Variants in GLCE observed in about 807,000 individuals in gnomAD.
GLCE encodes glucuronic acid epimerase, also known as D-glucuronyl C5-epimerase.
A neutral mutation model predicts 47.9 loss-of-function variants in GLCE; 19 were observed. The observed-to-expected ratio is 0.40, with a 90% CI of 0.28 to 0.58. The LOEUF is 0.58. Among genes scored for constraint, GLCE ranks in the 20% least tolerant of loss-of-function variants. GLCE has a pLI of 0.48. For missense variants in GLCE, 556 were observed against 743.3 expected (o/e 0.75, Z 2.93); for synonymous variants, 245 against 263.4 (o/e 0.93, Z 0.68).
intron 1 of GLCE, among the ~76,000 whole-genome samples, chr15:69,185,912 G>T (rs2051816164): frequency 6.6e-6 from 1 of 152,114 alleles, no homozygotes; most frequent in Non-Finnish European, 1.5e-5. Flanking sequence ...TTCAAGTTGG[G>T]TTCCTCTTTG....
intron 2 of GLCE, among the ~76,000 whole-genome samples, chr15:69,226,060 ACACACACACACACAGACACACACACAC>A (rs1301880643): frequency 8.9e-5 from 3 of 33,622 alleles, no homozygotes; most frequent in Non-Finnish European, 3.3e-4. Context: ...ACACACACAC[ACACACACACACACAGACACACACACAC>A]CTATTTTAAT....
In GLCE at chr15:69,270,581, T is replaced by G. The variant is rs575199763; in HGVS notation, c.*1337T>G. 1.3e-5 allele frequency: 2 copies of G among 152,212 alleles called. No homozygotes were observed. Among genetic ancestry groups the G allele is most frequent in the Non-Finnish European group, 2.9e-5 (2 of 68,046 alleles). 9.4% of individuals were successfully genotyped at this position (152,212 alleles called of 1,614,324 possible). On this transcript the variant is annotated 3_prime_UTR_variant, in exon 5 of 5. Transcript: ENST00000261858. Reference sequence around the variant, plus strand: ...TTTGAAAATATGATACCCTACACTTTCAGGGGACCGAGTCTGACAAACACA... The same window carrying G: ...TTTGAAAATATGATACCCTACACTTGCAGGGGACCGAGTCTGACAAACACA...
intron 1 of GLCE, among the ~76,000 whole-genome samples, chr15:69,199,012 T>G (rs2052037458): frequency 6.6e-6 from 1 of 152,114 alleles, no homozygotes. Flanking sequence ...GCTTAACTTG[T>G]TGAATGAATT....
chr15:69,180,835 G>C (rs2051739481), intron 1 of GLCE, among the ~76,000 whole-genome samples: 1 of 152,172 alleles, frequency 6.6e-6, no homozygotes, highest in Non-Finnish European at 1.5e-5. Context: ...TGGATGAGTT[G>C]GAACAGAATA....
chr15:69,244,142 A>G (rs2052715523), intron 2 of GLCE, among the ~76,000 whole-genome samples: 1 of 152,182 alleles, frequency 6.6e-6, no homozygotes, highest in African/African-American at 2.4e-5. Flanking sequence ...ATTATAATGC[A>G]TTTGTAAGCT....
intron 3 of GLCE, chr15:69,260,695 A>G (rs1292469826): frequency 5.9e-6 from 1 of 168,792 alleles, no homozygotes; most frequent in South Asian, 1.7e-4. Flanking sequence ...AAATTTCAGG[A>G]TTAATATTGA....
intron 1 of GLCE, among the ~76,000 whole-genome samples, chr15:69,202,003 T>G (rs2052082056): frequency 6.6e-6 from 1 of 152,042 alleles, no homozygotes; most frequent in South Asian, 2.1e-4. Flanking sequence ...CACTGTAGCC[T>G]TGACCTCCTC....
In GLCE at chr15:69,256,082, T is replaced by G; in HGVS notation, c.276T>G (p.Asn92Lys). 4 of 1,614,060 alleles carry G rather than the reference T, an allele frequency of 2.5e-6. No homozygotes were observed. Among genetic ancestry groups the G allele is most frequent in the Non-Finnish European group, 1.7e-6 (2 of 1,179,984 alleles). Reference sequence around the variant, plus strand: ...CACCCCCTGTTGTTGGGGGCTTCAATAGCAATGTGGGAAGTAAGGTGTTAG... The same window carrying G: ...CACCCCCTGTTGTTGGGGGCTTCAAGAGCAATGTGGGAAGTAAGGTGTTAG... ...QKAPPVVGGF[N>K]SNVGSKVLGL... Residue 92 changes from asparagine to lysine, a missense_variant, in exon 3 of 5, where the codon AAT becomes AAG. This residue lies in a region of GLCE where 237 missense variants were observed against 310.9 expected (regional missense o/e 0.76). Coordinates refer to ENST00000261858, the MANE Select transcript of GLCE (RefSeq NM_015554.3).
intron 2 of GLCE, among the ~76,000 whole-genome samples, chr15:69,231,755 A>G (rs1001507683): frequency 6.6e-6 from 1 of 152,042 alleles, no homozygotes; most frequent in Non-Finnish European, 1.5e-5. Flanking sequence ...CATTTAGGAT[A>G]TACATGTGAT....
intron 3 of GLCE, among the ~76,000 whole-genome samples, chr15:69,256,860 T>C (rs2052932920): frequency 6.6e-6 from 1 of 152,230 alleles, no homozygotes; most frequent in African/African-American, 2.4e-5. Context: ...GGACTTATAC[T>C]GAACTCCTAG....
At chr15:69,228,447 A>G (rs2052478279) in intron 2 of GLCE, among the ~76,000 whole-genome samples, 1 of 152,218 alleles carries the variant, frequency 6.6e-6, no homozygotes, top group Non-Finnish European at 1.5e-5. Context: ...GGTTTTAATC[A>G]TTAGGGTAAC....
At chr15:69,224,616 C>A (rs1023421231) in intron 2 of GLCE, among the ~76,000 whole-genome samples, 1 of 152,182 alleles carries the variant, frequency 6.6e-6, no homozygotes, top group African/African-American at 2.4e-5. Context: ...GAGTACAGAT[C>A]TCCATACCTG....
intron 1 of GLCE, among the ~76,000 whole-genome samples, chr15:69,208,946 A>T (rs1365262430): frequency 1.3e-5 from 2 of 152,078 alleles, no homozygotes; most frequent in African/African-American, 4.8e-5. Context: ...CAGAAATGTG[A>T]TTGATGTTGA....
At chr15:69,172,335 C>G (rs1219966450) in intron 1 of GLCE, among the ~76,000 whole-genome samples, 2 of 152,188 alleles carry the variant, frequency 1.3e-5, no homozygotes, top group Non-Finnish European at 2.9e-5. Flanking sequence ...GCACTGATCA[C>G]TAGGAGCCAG....
chr15:69,225,064 G>A (rs1255691942), intron 2 of GLCE, among the ~76,000 whole-genome samples: 7 of 152,094 alleles, frequency 4.6e-5, no homozygotes. Context: ...CTATGCTGGT[G>A]GTTCTATGGC....
At chr15:69,258,284 A>G (rs1257531690) in intron 3 of GLCE, among the ~76,000 whole-genome samples, 1 of 151,688 alleles carries the variant, frequency 6.6e-6, no homozygotes. Context: ...TGCTAAGGAT[A>G]ATGGCCCCTC....
intron 2 of GLCE, among the ~76,000 whole-genome samples, chr15:69,254,630 A>T (rs1342297323): frequency 6.6e-6 from 1 of 152,200 alleles, no homozygotes; most frequent in African/African-American, 2.4e-5. Flanking sequence ...TTCCTGACTT[A>T]TGGGATATTG....
At chr15:69,245,852 C>T (rs1218551574) in intron 2 of GLCE, among the ~76,000 whole-genome samples, 1 of 152,074 alleles carries the variant, frequency 6.6e-6, no homozygotes, top group Non-Finnish European at 1.5e-5. Flanking sequence ...CCTCAGCCTC[C>T]CAAGTAGCTG....
chr15:69,237,243 G>A (rs2052605280), intron 2 of GLCE, among the ~76,000 whole-genome samples: 1 of 152,062 alleles, frequency 6.6e-6, no homozygotes, highest in Non-Finnish European at 1.5e-5. Flanking sequence ...ATTGCTTTGT[G>A]AAGTAGCTCA....
Sources: gnomAD v4.1 joint callset for allele counts (sites outside exome capture counted in the v4.1 genomes callset) on GRCh38, gnomAD v4.1.1 for gene constraint, gnomAD v4.1.1 regional missense constraint, MANE v1.5 for transcripts, NCBI Gene and HGNC (gene_info 2026-07-23, HGNC 2026-07-21) for gene names.